The following CRB2 variants were observed in gnomAD, a reference collection of about 807,000 sequenced individuals.
CRB2 encodes the protein protein crumbs homolog 2.
In CRB2, 85 loss-of-function variants were observed where a neutral mutation model predicts 110.9. That is an observed-to-expected ratio of 0.77 (90% CI 0.64 to 0.92). The LOEUF (loss-of-function observed/expected upper bound fraction) is 0.92. Among genes scored for constraint, CRB2 ranks in the 40% least tolerant of loss-of-function variants. CRB2 has a pLI of 0.00. For synonymous variants in CRB2, 907 were observed against 831.0 expected, an observed-to-expected ratio of 1.09 and a Z score of -1.57; for missense variants, 1,843 against 1,851.3, an observed-to-expected ratio of 1.00 and a Z score of 0.08.
chr9:123,372,441 C>G, intron 9 of CRB2, 99 bp downstream of exon 9: 1 of 1,442,636 alleles, frequency 6.9e-7, no homozygotes, highest in Non-Finnish European at 9.3e-7. Context: ...ACTGGTGGAC[C>G]AGGCATGCCA....
rs545964088 is a variant in CRB2, at chr9:123,366,350, C to T, written c.738C>T (p.Arg246=). The change falls in exon 4 of 13, where the codon CGC becomes CGT. Residue 246 remains arginine, a synonymous_variant. Transcript: ENST00000373631. ...ASCLEGLGSF[R]CLCWPGYSGE... ...GCCTCGAGGGCCTCGGGAGCTTCCG[C>T]TGCCTCTGTTGGCCAGGTGTGTGCG... is the stretch of plus-strand genomic sequence containing the variant. The T allele has an allele frequency of 3.9e-6, 6 of 1,549,686 alleles. No individual in the cohort carries two copies. In the African/African-American group the frequency reaches 4.2e-5, roughly 11 times the overall value.
intron 2 of CRB2, among the ~76,000 whole-genome samples, chr9:123,364,462 C>G (rs761223570): frequency 2.1e-5 from 3 of 145,830 alleles, no homozygotes; most frequent in African/African-American, 7.5e-5. Flanking sequence ...CAGCATCTGC[C>G]GTGACTCATT....
chr9:123,365,683 A>T (rs373175593), intron 2 of CRB2, among the ~76,000 whole-genome samples: 1 of 151,600 alleles, frequency 6.6e-6, no homozygotes, highest in Admixed American at 6.6e-5. Context: ...ATCACCCCCC[A>T]CCATGTCCTG....
upstream of CRB2, among the ~76,000 whole-genome samples, chr9:123,355,250 G>A (rs2041784975): frequency 6.6e-6 from 1 of 152,182 alleles, no homozygotes; most frequent in African/African-American, 2.4e-5. Context: ...GAGGCCAGCT[G>A]GAGAGCAAGC....
intron 2 of CRB2, among the ~76,000 whole-genome samples, chr9:123,364,884 G>T (rs2041911928): frequency 6.6e-6 from 1 of 152,204 alleles, no homozygotes. Context: ...CCAGGACAGT[G>T]CAGGGACACT....
rs763446068 is a variant in CRB2 at position 123,375,251 on chromosome 9, C to A, written c.3541C>A (p.Pro1181Thr). ...CCCCACTCTCCCCTGTGAAGCCAAC[C>A]CCTGCTTGAATGGGGGCACCTGCCG... ...QVPTLPCEAN[P>T]CLNGGTCRAA... Residue 1181 changes from proline to threonine, a missense_variant, in exon 12 of 13, where the codon CCC becomes ACC. Transcript: ENST00000373631. 5 of 1,612,132 alleles carry A rather than the reference C, an allele frequency of 3.1e-6. No individual in the cohort carries two copies. The African/African-American group carries it at 5.3e-5, about 17-fold the overall frequency.
chr9:123,365,781 C>T (rs1009624179), intron 2 of CRB2, 136 bp from the exon 3 acceptor site: 6 of 815,020 alleles, frequency 7.4e-6, no homozygotes, highest in Admixed American at 3.6e-5. Flanking sequence ...CCCCCACCCC[C>T]CAACCACCAC....
At chr9:123,356,165 G>T, upstream of CRB2, 4 of 803,186 alleles carry the variant, frequency 5.0e-6, no homozygotes, top group Non-Finnish European at 7.3e-6. Context: ...TCTGTCCACA[G>T]CATTAGTGCT....
chr9:123,360,296 C>T lies in CRB2; in HGVS notation c.95-2569C>T, dbSNP rs528493488. On this transcript the variant is annotated intron_variant, in intron 1 of 12. Transcript: ENST00000373631. ...CAGGTCGAAGGGGAGGGGCGGGCGT[C>T]GGTTAATCCCTCCCTGCCAGGTCGG... 3.4e-4 allele frequency among the ~76,000 whole-genome samples: 51 copies of T among 152,216 alleles called. 1 individual carries two copies. Among genetic ancestry groups the T allele is most frequent in the African/African-American group, 2.2e-4 (9 of 41,534 alleles).
chr9:123,370,036 A>C, intron 6 of CRB2, 72 bp from the exon 7 acceptor site: 1 of 1,495,712 alleles, frequency 6.7e-7, no homozygotes, highest in Non-Finnish European at 8.9e-7. Flanking sequence ...CATAAGAGGC[A>C]TGTAAGTTCT....
intron 1 of CRB2, among the ~76,000 whole-genome samples, chr9:123,356,824 G>A (rs2041806006): frequency 6.6e-6 from 1 of 152,062 alleles, no homozygotes; most frequent in African/African-American, 2.4e-5. Flanking sequence ...GGAGGTGGAT[G>A]AGCTGTCTGG....
chr9:123,374,016 TCCCTG>T, intron 10 of CRB2, 96 bp downstream of exon 10: 1 of 1,431,372 alleles, frequency 7.0e-7, no homozygotes, highest in Non-Finnish European at 9.6e-7. Flanking sequence ...TCGCTTCCCT[TCCCTG>T]GTCCTCATGT....
At chr9:123,375,597 G>A (rs2042091132) in intron 12 of CRB2, among the ~76,000 whole-genome samples, 3 of 152,234 alleles carry the variant, frequency 2.0e-5, no homozygotes, top group Non-Finnish European at 4.4e-5. Flanking sequence ...GGCTTCCTCA[G>A]AGTGCCCAGG....
chr9:123,373,849 C>G lies in CRB2; in HGVS notation c.3318C>G (p.Gly1106=). 2 of 1,563,548 alleles carry G rather than the reference C, an allele frequency of 1.3e-6. No individual in the cohort carries two copies. The highest frequency in any genetic ancestry group is 2.3e-5 in the South Asian group (2 of 86,134). ...GTCACTCCGCCCCCTGCGCCCGTGGCCGCTGTCACACGCACCCCGACGGCC... is the reference window on the plus strand; with the variant it reads ...GTCACTCCGCCCCCTGCGCCCGTGGGCGCTGTCACACGCACCCCGACGGCC... The part of the protein sequence containing the change: ...DPCHSAPCAR[G]RCHTHPDGRF... The change falls in exon 10 of 13, where the codon GGC becomes GGG. Residue 1106 remains glycine, a synonymous_variant. Coordinates refer to ENST00000373631, the MANE Select transcript of CRB2 (RefSeq NM_173689.7).
intron 11 of CRB2, 41 bp from the exon 12 acceptor site, chr9:123,375,176 C>T (rs1448684598): frequency 6.2e-7 from 1 of 1,609,736 alleles, no homozygotes; most frequent in Non-Finnish European, 8.5e-7. Context: ...CAAGAGGCAG[C>T]CATGGGGGAA....
At chr9:123,361,972 C>G (rs2041873863) in intron 1 of CRB2, among the ~76,000 whole-genome samples, 1 of 152,170 alleles carries the variant, frequency 6.6e-6, no homozygotes, top group Non-Finnish European at 1.5e-5. Flanking sequence ...TGGTGACCCT[C>G]TGTTAGAGCC....
At chr9:123,364,166 T>G (rs967314508) in intron 2 of CRB2, among the ~76,000 whole-genome samples, 2 of 152,226 alleles carry the variant, frequency 1.3e-5, no homozygotes, top group Non-Finnish European at 2.9e-5. Flanking sequence ...ATCGTTCCAG[T>G]GTCTCAGCGT....
At position 123,377,873 on chromosome 9, in the gene CRB2, C is replaced by G. The variant is rs1351173525; in HGVS notation, c.*811C>G. On this transcript the variant is annotated 3_prime_UTR_variant, in exon 13 of 13. Coordinates refer to ENST00000373631, the MANE Select transcript of CRB2 (RefSeq NM_173689.7). The stretch of plus-strand genomic sequence containing the variant: ...GTCAAAGGGGGAAGGCACCCACTGC[C>G]TACCTCACAGGGCTGTTGTGAGGAT... 2 of 152,280 alleles carry G rather than the reference C, an allele frequency of 1.3e-5. No individual in the cohort carries two copies. The highest frequency in any genetic ancestry group is 2.9e-5 in the Non-Finnish European group (2 of 68,074). The allele number at this position is 152,280 out of a possible 1,614,324, so 9.4% of individuals were successfully genotyped here. A position where few individuals can be genotyped will look rare whatever the true frequency, so the allele number is the denominator to read the frequency against.
chr9:123,367,887 C>T (rs1467978418), intron 6 of CRB2, among the ~76,000 whole-genome samples: 1 of 151,914 alleles, frequency 6.6e-6, no homozygotes, highest in African/African-American at 2.4e-5. Context: ...GTAGTCCTGG[C>T]AGCTGGGGCC....
Sources: gnomAD v4.1 joint callset for allele counts (sites outside exome capture counted in the v4.1 genomes callset) on GRCh38, gnomAD v4.1.1 for gene constraint, MANE v1.5 for transcripts, NCBI Gene and HGNC (gene_info 2026-07-23, HGNC 2026-07-21) for gene names.